The following SV2C variants were observed in gnomAD, a reference collection of about 807,000 sequenced individuals.
SV2C encodes synaptic vesicle glycoprotein 2C.
SV2C carries 49 observed loss-of-function variants against 79.7 expected under a neutral mutation model. That is an observed-to-expected ratio of 0.61 (90% CI 0.49 to 0.78). The LOEUF (loss-of-function observed/expected upper bound fraction) is 0.78. Ranked by LOEUF, SV2C falls within the 30% of genes least tolerant of loss-of-function variation. The probability of loss-of-function intolerance (pLI) is 0.00; values close to 1 mark genes in which losing one functional copy is unlikely to be tolerated. For missense variants in SV2C, 833 were observed against 912.9 expected (o/e 0.91, Z 1.13); for synonymous variants, 334 against 333.2 (o/e 1.00, Z -0.03).
intron 4 of SV2C, among the ~76,000 whole-genome samples, chr5:76,254,251 T>TAGAG (rs1434751921): frequency 3.4e-5 from 5 of 149,002 alleles, no homozygotes; most frequent in African/African-American, 1.3e-4. Context: ...TATATATATA[T>TAGAG]ATATATAGAG....
chr5:75,945,047 A>G, the SV2C span, among the ~76,000 whole-genome samples: 4 of 152,294 alleles, frequency 2.6e-5, no homozygotes, highest in African/African-American at 9.6e-5. Context: ...AGAGGGCAAC[A>G]CTGAGATGCC....
chr5:75,902,029 C>A, the SV2C span, among the ~76,000 whole-genome samples: 2 of 152,216 alleles, frequency 1.3e-5, no homozygotes, highest in Non-Finnish European at 2.9e-5. Context: ...CTCCCTGACC[C>A]CTTGCACTTC....
the SV2C span, among the ~76,000 whole-genome samples, chr5:75,875,743 C>T: frequency 2.0e-5 from 3 of 151,776 alleles, no homozygotes; most frequent in Admixed American, 1.3e-4. Context: ...ACAGACAACC[C>T]CATTAAAAAG....
chr5:75,932,818 T>G, the SV2C span, among the ~76,000 whole-genome samples: 1 of 152,254 alleles, frequency 6.6e-6, no homozygotes, highest in Non-Finnish European at 1.5e-5. Flanking sequence ...ATGGCCAGTT[T>G]CTTTAAGGCC....
the SV2C span, among the ~76,000 whole-genome samples, chr5:75,970,457 A>G: frequency 2.6e-5 from 4 of 152,074 alleles, no homozygotes; most frequent in Non-Finnish European, 5.9e-5. Flanking sequence ...AGAGAGAAGA[A>G]TCAAATAGAC....
At chr5:75,989,135 T>G in the SV2C span, among the ~76,000 whole-genome samples, 2 of 151,902 alleles carry the variant, frequency 1.3e-5, no homozygotes, top group Admixed American at 1.3e-4. Context: ...TAAACCACCT[T>G]TTTTTCTTTT....
At chr5:76,007,122 T>G in the SV2C span, among the ~76,000 whole-genome samples, 1 of 152,046 alleles carries the variant, frequency 6.6e-6, no homozygotes, top group African/African-American at 2.4e-5. Flanking sequence ...GAGAAATGAT[T>G]TGAATTTAAG....
the SV2C span, among the ~76,000 whole-genome samples, chr5:75,948,773 G>A: frequency 6.6e-6 from 1 of 151,988 alleles, no homozygotes; most frequent in Non-Finnish European, 1.5e-5. Flanking sequence ...GGTATAATTA[G>A]AGTGGATTAA....
At chr5:76,138,454 C>A (rs573921158) in intron 2 of SV2C, among the ~76,000 whole-genome samples, 2 of 152,186 alleles carry the variant, frequency 1.3e-5, no homozygotes, top group Non-Finnish European at 2.9e-5. Context: ...AGAGTAATCA[C>A]CTGTTGAACT....
At chr5:75,921,439 T>G in the SV2C span, 16 of 802,992 alleles carry the variant, frequency 2.0e-5, no homozygotes, top group African/African-American at 2.2e-4. Context: ...GCCTCCAGCT[T>G]GAACTTCTTG....
the SV2C span, among the ~76,000 whole-genome samples, chr5:75,918,994 A>G: frequency 2.0e-5 from 3 of 152,210 alleles, no homozygotes; most frequent in African/African-American, 7.2e-5. Flanking sequence ...GAAGTTTTAA[A>G]CATTCCGGCA....
chr5:76,197,608 T>C (rs1455558030), intron 3 of SV2C, among the ~76,000 whole-genome samples: 3 of 151,156 alleles, frequency 2.0e-5, no homozygotes, highest in Non-Finnish European at 4.4e-5. Context: ...ACCTGAGAAA[T>C]GAAGTTATTA....
chr5:76,079,234 C>T (rs1242459172), upstream of SV2C: 1 of 324,350 alleles, frequency 3.1e-6, no homozygotes, highest in African/African-American at 2.2e-5. Flanking sequence ...AAGCAGATTT[C>T]ACTGGCAAAG....
chr5:76,299,570 C>T (rs1747909962), intron 10 of SV2C, among the ~76,000 whole-genome samples: 1 of 152,216 alleles, frequency 6.6e-6, no homozygotes, highest in Non-Finnish European at 1.5e-5. Flanking sequence ...CACTTTCCCA[C>T]TCCCAAACAT....
At chr5:76,281,287 T>G in intron 4 of SV2C, 1 of 495,918 alleles carries the variant, frequency 2.0e-6, no homozygotes, top group East Asian at 5.5e-5. Flanking sequence ...AAAGTTTTCA[T>G]AGACTAGAAC....
At chr5:76,017,407 C>A in the SV2C span, among the ~76,000 whole-genome samples, 1 of 152,072 alleles carries the variant, frequency 6.6e-6, no homozygotes, top group Non-Finnish European at 1.5e-5. Context: ...ATACCTCAGC[C>A]TCTCAAGCAG....
chr5:76,216,663 T>C (rs1041557316), intron 4 of SV2C, among the ~76,000 whole-genome samples: 2 of 152,166 alleles, frequency 1.3e-5, no homozygotes, highest in African/African-American at 2.4e-5. Context: ...ATAGTGGGAA[T>C]TGGCTACTGG....
At chr5:76,336,185 G>A (rs575869538), downstream of SV2C, among the ~76,000 whole-genome samples, 62 of 151,662 alleles carry the variant, frequency 4.1e-4, no homozygotes, top group African/African-American at 1.5e-3. Context: ...GGTGGCTGCC[G>A]GGCAGAGACG....
At chr5:75,868,038 C>G in the SV2C span, among the ~76,000 whole-genome samples, 1 of 152,092 alleles carries the variant, frequency 6.6e-6, no homozygotes, top group Non-Finnish European at 1.5e-5. Flanking sequence ...GAAATAAGCA[C>G]AGGATATGTG....
Sources: gnomAD v4.1 joint callset for allele counts (sites outside exome capture counted in the v4.1 genomes callset) on GRCh38, gnomAD v4.1.1 for gene constraint, MANE v1.5 for transcripts, NCBI Gene and HGNC (gene_info 2026-07-23, HGNC 2026-07-21) for gene names.